The following DOCK5 variants were observed in gnomAD, a reference collection of about 807,000 sequenced individuals.
The protein encoded by DOCK5 is dedicator of cytokinesis protein 5.
Under a neutral mutation model 251.8 loss-of-function variants are expected in DOCK5, and 142 were observed. The observed-to-expected ratio is 0.56, with a 90% CI of 0.49 to 0.65. The LOEUF (loss-of-function observed/expected upper bound fraction) is 0.65. Ranked by LOEUF, DOCK5 falls within the 30% of genes least tolerant of loss-of-function variation. DOCK5 has a pLI of 0.00. For synonymous variants in DOCK5, 842 were observed against 835.5 expected (o/e 1.01, Z -0.13); for missense variants, 2,111 against 2,312.3 (o/e 0.91, Z 1.79).
intron 1 of DOCK5, among the ~76,000 whole-genome samples, chr8:25,223,243 T>C (rs932828122): frequency 3.3e-5 from 5 of 151,866 alleles, no homozygotes; most frequent in African/African-American, 1.2e-4. Flanking sequence ...TGGCCTCGAG[T>C]GATCCTCCCA....
rs1010163092 is a variant in DOCK5 at position 25,411,116 on chromosome 8, T to C, written c.5509-78T>C. ...AGATCAATTAGAAGCTAAAGCAGAA[T>C]ATGAGAAATAGGAGGAGAAGGCAGA... On this transcript the variant is annotated intron_variant, in intron 51 of 51. Transcript: ENST00000276440. 4 of 1,412,926 alleles carry C rather than the reference T, an allele frequency of 2.8e-6. No individual in the cohort carries two copies. The East Asian group carries it at 1.2e-4, about 43-fold the overall frequency. The allele number at this position is 1,412,926 out of a possible 1,614,324, so 87.5% of individuals were successfully genotyped here. A position where few individuals can be genotyped will look rare whatever the true frequency, so the allele number is the denominator to read the frequency against.
intron 45 of DOCK5, among the ~76,000 whole-genome samples, chr8:25,397,537 T>G (rs1563230631): frequency 6.6e-6 from 1 of 152,234 alleles, no homozygotes; most frequent in South Asian, 2.1e-4. Flanking sequence ...AGACAAATTC[T>G]AGTTTCTCCA....
chr8:25,367,231 G>A (rs568711641), intron 31 of DOCK5, among the ~76,000 whole-genome samples: 6 of 152,128 alleles, frequency 3.9e-5, no homozygotes, highest in Non-Finnish European at 8.8e-5. Flanking sequence ...CTGTCAGCTT[G>A]CCCATCCCCA....
intron 1 of DOCK5, among the ~76,000 whole-genome samples, chr8:25,191,210 A>G (rs1363855233): frequency 6.6e-6 from 1 of 152,238 alleles, no homozygotes; most frequent in South Asian, 2.1e-4. Flanking sequence ...CAATAATGCT[A>G]AGCCGTTATT....
At chr8:25,187,246 C>CATATATATACGTATATATATATAT in intron 1 of DOCK5, among the ~76,000 whole-genome samples, 1 of 133,238 alleles carries the variant, frequency 7.5e-6, no homozygotes, top group African/African-American at 3.2e-5. Context: ...TATATATATA[C>CATATATATACGTATATATATATAT]ACACACACAC....
chr8:25,205,429 G>A (rs575967879), intron 1 of DOCK5, among the ~76,000 whole-genome samples: 62 of 152,310 alleles, frequency 4.1e-4, no homozygotes, highest in Admixed American at 1.4e-3. Context: ...ACACATTTCT[G>A]TTATTTAAGC....
At chr8:25,282,804 T>G (rs942368415) in intron 5 of DOCK5, among the ~76,000 whole-genome samples, 2 of 127,664 alleles carry the variant, frequency 1.6e-5, no homozygotes, top group Non-Finnish European at 3.1e-5. Context: ...GAGCCATGAT[T>G]ATACCACTGC....
rs150394074 is a variant in DOCK5, at chr8:25,411,216, G to T, written c.5531G>T (p.Arg1844Leu). ...CAGCTCGCTCCCCCACTGCCTGTCC[G>T]AAGAGAAGCCAAAGCACCACCCCCT... is the stretch of plus-strand genomic sequence containing the variant. The part of the protein sequence containing the change: ...STELAPPLPV[R>L]REAKAPPPPP... The change falls in exon 52 of 52, where the codon CGA becomes CTA. Residue 1844 changes from arginine (R) to leucine (L), a missense_variant. Physicochemically the swap from Arg to Leu is moderately radical, Grantham distance 102. Around this residue, in one of 3 missense-constraint regions of DOCK5, gnomAD observed 1,717 missense variants for 1,892.4 expected, o/e 0.91. Transcript: ENST00000276440. The T allele has an allele frequency of 6.3e-7, 1 of 1,591,150 alleles. No homozygotes were observed. Among genetic ancestry groups the T allele is most frequent in the Non-Finnish European group, 8.5e-7 (1 of 1,170,546 alleles).
In DOCK5 at chr8:25,270,779, C is replaced by A. The variant is rs778799080; in HGVS notation, c.168+1894C>A. 3 of 710,982 alleles carry A rather than the reference C, an allele frequency of 4.2e-6. No homozygotes were observed. The African/African-American group carries it at 5.2e-5, about 12-fold the overall frequency. 44.0% of individuals were successfully genotyped at this position (710,982 alleles called of 1,614,324 possible). On this transcript the variant is annotated intron_variant, in intron 3 of 51. Coordinates refer to ENST00000276440, the MANE Select transcript of DOCK5 (RefSeq NM_024940.8). ...TGATTTTTTAATATAGTCATTTCCT[C>A]ATTTCCACAGGCAATTGGTTCCAGG...
chr8:25,313,799 C>G (rs1805162460), intron 13 of DOCK5, among the ~76,000 whole-genome samples: 1 of 152,174 alleles, frequency 6.6e-6, no homozygotes, highest in Non-Finnish European at 1.5e-5. Flanking sequence ...GGACACCAGT[C>G]ATATTGGATT....
intron 40 of DOCK5, among the ~76,000 whole-genome samples, chr8:25,384,555 G>T (rs1801130939): frequency 6.6e-6 from 1 of 151,294 alleles, no homozygotes; most frequent in East Asian, 2.0e-4. Context: ...CGTCTTCTGG[G>T]TTGAAGCGAT....
chr8:25,263,140 T>G (rs1803637383), intron 2 of DOCK5, among the ~76,000 whole-genome samples: 1 of 151,960 alleles, frequency 6.6e-6, no homozygotes, highest in African/African-American at 2.4e-5. Context: ...TTGACTGCCT[T>G]TTAATATGTT....
intron 1 of DOCK5, among the ~76,000 whole-genome samples, chr8:25,224,280 A>G (rs889474077): frequency 3.3e-5 from 5 of 151,932 alleles, no homozygotes; most frequent in African/African-American, 1.2e-4. Flanking sequence ...CACCACACTC[A>G]GCTAATTTAT....
intron 1 of DOCK5, among the ~76,000 whole-genome samples, chr8:25,241,091 C>T (rs998281321): frequency 6.6e-6 from 1 of 152,196 alleles, no homozygotes; most frequent in Non-Finnish European, 1.5e-5. Flanking sequence ...GGGAAGAGAG[C>T]TCCTCTCAAA....
chr8:25,321,391 C>T (rs1246773863), intron 16 of DOCK5, among the ~76,000 whole-genome samples: 1 of 152,176 alleles, frequency 6.6e-6, no homozygotes, highest in Non-Finnish European at 1.5e-5. Context: ...GTAATTCAAG[C>T]ACATTACATT....
At chr8:25,272,995 A>G (rs906737429) in intron 3 of DOCK5, among the ~76,000 whole-genome samples, 1 of 152,074 alleles carries the variant, frequency 6.6e-6, no homozygotes, top group African/African-American at 2.4e-5. Context: ...ACTTAGTGTA[A>G]TGTCTTCAAG....
intron 34 of DOCK5, among the ~76,000 whole-genome samples, chr8:25,372,087 ATCCATACGAGGCAT>A (rs1291808110): frequency 1.3e-5 from 2 of 152,218 alleles, no homozygotes; most frequent in Non-Finnish European, 2.9e-5. Flanking sequence ...TAGGCTGGGC[ATCCATACGAGGCAT>A]TCCAGAATGT....
intron 4 of DOCK5, among the ~76,000 whole-genome samples, chr8:25,278,273 C>G (rs1404839355): frequency 6.6e-6 from 1 of 152,186 alleles, no homozygotes; most frequent in Non-Finnish European, 1.5e-5. Context: ...TTGAGAATCA[C>G]TGAAGCCAGC....
At chr8:25,370,630 A>G (rs2117283413) in intron 34 of DOCK5, among the ~76,000 whole-genome samples, 1 of 152,200 alleles carries the variant, frequency 6.6e-6, no homozygotes, top group African/African-American at 2.4e-5. Context: ...TCAGACTCCC[A>G]AGTACTAGGA....
Sources: allele counts gnomAD v4.1 joint callset (sites outside exome capture counted in the v4.1 genomes callset), GRCh38; gene constraint gnomAD v4.1.1; regional missense constraint gnomAD v4.1.1; transcripts MANE v1.5; gene names NCBI Gene and HGNC (gene_info 2026-07-23, HGNC 2026-07-21).